MARK2: variants seen among roughly 807,000 people sequenced by gnomAD.
MARK2 encodes the protein serine/threonine-protein kinase MARK2.
Under a neutral mutation model 89.8 loss-of-function variants are expected in MARK2, and 16 were observed. The ratio of observed to expected loss-of-function variants is 0.18; its 90% CI spans 0.12 to 0.27. The LOEUF (loss-of-function observed/expected upper bound fraction) is 0.27. Ranked by LOEUF, MARK2 falls within the 10% of genes least tolerant of loss-of-function variation. MARK2 has a pLI of 1.00. For synonymous variants in MARK2, 382 were observed against 399.5 expected, an observed-to-expected ratio of 0.96 and a Z score of 0.52; for missense variants, 621 against 1,049.9, an observed-to-expected ratio of 0.59 and a Z score of 5.65.
At position 63,888,528 on chromosome 11, in the gene MARK2, C is replaced by T. The variant is rs945620762; in HGVS notation, c.55-6631C>T. On this transcript the variant is annotated intron_variant, in intron 1 of 18. Transcript: ENST00000402010. ...GGGGAGAAGGAAGTTGATCTAAACC[C>T]GCCTCTTTCTCTGTCTCCCTTCCTG... The T allele has an allele frequency of 6.9e-6, 7 of 1,020,236 alleles. No homozygotes were observed. In the South Asian group the frequency reaches 1.7e-4, roughly 25 times the overall value. The allele number at this position is 1,020,236 out of a possible 1,614,324, so 63.2% of individuals were successfully genotyped here.
chr11:63,860,481 G>T (rs1307642304), intron 1 of MARK2, among the ~76,000 whole-genome samples: 2 of 151,918 alleles, frequency 1.3e-5, no homozygotes, highest in Admixed American at 1.3e-4. Flanking sequence ...GAACCCAGGA[G>T]GGGGAGGCTA....
Position 63,895,216 on chromosome 11 carries a change from C to G in MARK2, c.112C>G (p.Arg38Gly). 6.2e-7 allele frequency: 1 copy of G among 1,614,122 alleles called. No individual in the cohort carries two copies. The highest frequency in any genetic ancestry group is 8.5e-7 in the Non-Finnish European group (1 of 1,180,002). Residue 38 changes from arginine to glycine, a missense_variant, in exon 2 of 19, where the codon CGC (arginine) becomes GGC (glycine). Transcript: ENST00000402010. ...PSSKSNMIRG[R>G]NSATSADEQP... ...CAGTAAGTCCAACATGATTCGGGGC[C>G]GCAACTCAGCCACCTCTGCTGATGA...
At chr11:63,908,647 C>T (rs780940928) in intron 18 of MARK2, among the ~76,000 whole-genome samples, 10 of 152,184 alleles carry the variant, frequency 6.6e-5, no homozygotes, top group Non-Finnish European at 1.3e-4. Flanking sequence ...TGGTGTCTTC[C>T]CTGACCCCAC....
intron 3 of MARK2, among the ~76,000 whole-genome samples, chr11:63,896,723 A>G (rs994144004): frequency 1.3e-5 from 2 of 152,150 alleles, no homozygotes; most frequent in Non-Finnish European, 2.9e-5. Context: ...TTCAGTAGAA[A>G]CATTGTTGTC....
chr11:63,876,227 GCC>G (rs1938744748), intron 1 of MARK2, among the ~76,000 whole-genome samples: 1 of 16,864 alleles, frequency 5.9e-5, no homozygotes, highest in African/African-American at 3.7e-4. Context: ...CCAGAACTTA[GCC>G]TTCAAACTTA....
intron 7 of MARK2, among the ~76,000 whole-genome samples, 181 bp downstream of exon 7, chr11:63,899,289 G>A (rs1350470327): frequency 1.3e-5 from 2 of 149,862 alleles, no homozygotes; most frequent in Non-Finnish European, 3.0e-5. Flanking sequence ...CCCTAGGGCT[G>A]CCTCTGATAG....
In MARK2 at chr11:63,875,561, T is replaced by C. The variant is rs146049521; in HGVS notation, c.55-19598T>C. Among the ~76,000 whole-genome samples, 145 of 152,320 alleles carry C rather than the reference T, an allele frequency of 9.5e-4. No individual in the cohort carries two copies. The Middle Eastern group carries it at 0.02, about 21-fold the overall frequency. ...GACACTGTGGCCAACTTTCATTCCT[T>C]CTTTATCACCCTAAAATTTCTAGTT... On this transcript the variant is annotated intron_variant, in intron 1 of 18. Coordinates refer to ENST00000402010, the MANE Select transcript of MARK2 (RefSeq NM_001039469.3).
At chr11:63,908,423 C>T (rs1028746359) in intron 18 of MARK2, 119 bp downstream of exon 18, 2 of 759,736 alleles carry the variant, frequency 2.6e-6, no homozygotes, top group South Asian at 3.2e-5. Context: ...CTGTCCCTAC[C>T]CTCTGGGGCC....
rs1333770222 is a variant in MARK2 at position 63,888,702 on chromosome 11, G to A, written c.55-6457G>A. 1.3e-5 allele frequency: 15 copies of A among 1,191,720 alleles called. No individual in the cohort carries two copies. The South Asian group carries it at 2.2e-4, about 17-fold the overall frequency. 73.8% of individuals were successfully genotyped at this position (1,191,720 alleles called of 1,614,324 possible). On this transcript the variant is annotated intron_variant, in intron 1 of 18. Transcript: ENST00000402010. ...TCTCCTTGCCAAACCCAGTCTCTCT[G>A]CTAGTGGTGGTTTCGGTTGCGACAC...
In MARK2 at chr11:63,909,316, G is replaced by A; in HGVS notation, c.*79G>A. 1 of 1,407,244 alleles carries A rather than the reference G, an allele frequency of 7.1e-7. No individual in the cohort carries two copies. Among genetic ancestry groups the A allele is most frequent in the Non-Finnish European group, 9.4e-7 (1 of 1,060,062 alleles). The allele number at this position is 1,407,244 out of a possible 1,614,324, so 87.2% of individuals were successfully genotyped here. A position where few individuals can be genotyped will look rare whatever the true frequency, so the allele number is the denominator to read the frequency against. On this transcript the variant is annotated 3_prime_UTR_variant, in exon 19 of 19. Coordinates refer to ENST00000402010, the MANE Select transcript of MARK2 (RefSeq NM_001039469.3). ...CCGCTGCGCCGCCCCACCTGGGCGA[G>A]ACTGCAGCGATGGATTGGTGTGTCT...
Position 63,902,720 on chromosome 11 carries a change from A to C in MARK2, c.1354A>C (p.Lys452Gln). The change falls in exon 13 of 19, where the codon AAG becomes CAG. Residue 452 changes from lysine to glutamine, a missense_variant. Lys to Gln is a moderately conservative substitution (Grantham distance 53). This residue lies in a region of MARK2 where 397 missense variants were observed against 567.8 expected (regional missense o/e 0.70). Coordinates refer to ENST00000402010, the MANE Select transcript of MARK2 (RefSeq NM_001039469.3). This position sits in a 1 kb window ranked among gnomAD's most constrained non-coding sequence, Gnocchi z 4.2. ...ESGRKASSTA[K>Q]VPASPLPGLE... is the part of the protein sequence containing the mutation. The stretch of plus-strand genomic sequence containing the variant: ...AGGGCGGAAAGCCAGCAGCACAGCC[A>C]AGGTGCCTGCCAGCCCCCTGCCCGG... 6.2e-7 allele frequency: 1 copy of C among 1,614,058 alleles called. No individual in the cohort carries two copies. Among genetic ancestry groups the C allele is most frequent in the Non-Finnish European group, 8.5e-7 (1 of 1,180,012 alleles).
intron 1 of MARK2, 113 bp from the exon 2 acceptor site, chr11:63,895,046 C>A: frequency 1.3e-6 from 1 of 782,436 alleles, no homozygotes. Flanking sequence ...CTTCACATGC[C>A]TACCAGCCCC....
At chr11:63,898,428 C>G (rs907742295) in intron 4 of MARK2, 148 bp downstream of exon 4, 2 of 943,012 alleles carry the variant, frequency 2.1e-6, no homozygotes, top group Non-Finnish European at 3.4e-6. Flanking sequence ...ATCCATCTCC[C>G]CTTCTGGCAC....
At position 63,849,575 on chromosome 11, in the gene MARK2, A is replaced by T. The variant is rs1344834583; in HGVS notation, c.54+10015A>T. Among the ~76,000 whole-genome samples, 4 of 152,212 alleles carry T rather than the reference A, an allele frequency of 2.6e-5. No individual in the cohort carries two copies. The East Asian group carries it at 7.7e-4, about 29-fold the overall frequency. ...CGAGACCAGCCTGACCAACATGGTAAAACCCTATCTCAACTGGAAATACAA... is the reference window on the plus strand; with the variant it reads ...CGAGACCAGCCTGACCAACATGGTATAACCCTATCTCAACTGGAAATACAA... On this transcript the variant is annotated intron_variant, in intron 1 of 18. Transcript: ENST00000402010.
rs550140173 is a variant in MARK2, at chr11:63,905,176, T to C, written c.1934+133T>C. On this transcript the variant is annotated intron_variant, in intron 16 of 18. Transcript: ENST00000402010. Reference sequence around the variant, plus strand: ...TTGGGTCCTGGGGTTAGAAGAGGCTTCAGGAAGCACAAGAAATTAGGTCTT... The same window carrying C: ...TTGGGTCCTGGGGTTAGAAGAGGCTCCAGGAAGCACAAGAAATTAGGTCTT... 115 of 1,041,570 alleles carry C rather than the reference T, an allele frequency of 1.1e-4. No individual in the cohort carries two copies. In the South Asian group the frequency reaches 1.7e-3, roughly 15 times the overall value. 64.5% of individuals were successfully genotyped at this position (1,041,570 alleles called of 1,614,324 possible).
intron 1 of MARK2, among the ~76,000 whole-genome samples, chr11:63,877,169 G>A (rs1181054791): frequency 7.2e-6 from 1 of 138,628 alleles, no homozygotes; most frequent in East Asian, 2.4e-4. Flanking sequence ...GAGTGCAGTG[G>A]CATGATTTCG....
intron 1 of MARK2, chr11:63,888,418 C>A: frequency 1.8e-6 from 1 of 549,232 alleles, no homozygotes; most frequent in Non-Finnish European, 2.3e-6. Flanking sequence ...TGCAGTGAGT[C>A]TCCTCGACCT....
At chr11:63,839,752 C>T (rs1248575145) in intron 1 of MARK2, among the ~76,000 whole-genome samples, 192 bp downstream of exon 1, 1 of 146,730 alleles carries the variant, frequency 6.8e-6, no homozygotes, top group Non-Finnish European at 1.5e-5. Context: ...CTCGTCCTGA[C>T]TCCAAGCTGC....
intron 16 of MARK2, among the ~76,000 whole-genome samples, chr11:63,905,512 C>T (rs1941254326): frequency 6.6e-6 from 1 of 152,244 alleles, no homozygotes; most frequent in African/African-American, 2.4e-5. Flanking sequence ...GCAGGCGCAG[C>T]CATGCCCTTC....
Sources: gnomAD v4.1 joint callset for allele counts (sites outside exome capture counted in the v4.1 genomes callset) on GRCh38, gnomAD v4.1.1 for gene constraint, gnomAD v4.1.1 regional missense constraint, Gnocchi (gnomAD v3.1) non-coding constraint, MANE v1.5 for transcripts, NCBI Gene and HGNC (gene_info 2026-07-23, HGNC 2026-07-21) for gene names.